Variants in SLC24A2 observed in about 807,000 individuals in gnomAD.
SLC24A2 encodes sodium/potassium/calcium exchanger 2.
SLC24A2 carries 36 observed loss-of-function variants against 62.0 expected under a neutral mutation model. That is an observed-to-expected ratio of 0.58 (90% CI 0.44 to 0.77). The LOEUF (loss-of-function observed/expected upper bound fraction) is 0.77, where lower values mean the gene tolerates loss of function less well. SLC24A2 is among the 30% of genes least tolerant of loss of function. The pLI, the probability that SLC24A2 is intolerant of heterozygous loss-of-function variation, is 0.00. For missense variants in SLC24A2, 846 were observed against 817.9 expected, an observed-to-expected ratio of 1.03 and a Z score of -0.42; for synonymous variants, 358 against 294.0, an observed-to-expected ratio of 1.22 and a Z score of -2.23.
chr9:20,203,624 G>C, the SLC24A2 span, among the ~76,000 whole-genome samples: 2 of 151,972 alleles, frequency 1.3e-5, no homozygotes, highest in African/African-American at 4.8e-5. Context: ...CCAAAGGGTC[G>C]CTTGGGGCCA....
chr9:19,843,294 G>A, the SLC24A2 span, among the ~76,000 whole-genome samples: 1 of 152,208 alleles, frequency 6.6e-6, no homozygotes, highest in Admixed American at 6.5e-5. Flanking sequence ...CTGAGGTCAG[G>A]AGTTCGAGAC....
intron 2 of SLC24A2, among the ~76,000 whole-genome samples, chr9:19,654,871 G>A (rs1289264386): frequency 6.6e-6 from 1 of 152,168 alleles, no homozygotes; most frequent in Admixed American, 6.6e-5. Context: ...AGTGTTCACT[G>A]TGGAGACAAA....
At chr9:19,542,066 G>T (rs377126625) in intron 8 of SLC24A2, among the ~76,000 whole-genome samples, 1 of 152,100 alleles carries the variant, frequency 6.6e-6, no homozygotes, top group African/African-American at 2.4e-5. Flanking sequence ...GCTTCGGCTC[G>T]CGCACGGTGC....
chr9:19,851,432 C>T, the SLC24A2 span, among the ~76,000 whole-genome samples: 1 of 152,082 alleles, frequency 6.6e-6, no homozygotes, highest in Non-Finnish European at 1.5e-5. Context: ...CACCTGTCAA[C>T]CCATCACCTA....
intron 2 of SLC24A2, among the ~76,000 whole-genome samples, chr9:19,718,819 C>A (rs1222813598): frequency 1.3e-5 from 2 of 152,188 alleles, no homozygotes; most frequent in East Asian, 3.9e-4. Context: ...TCCTCTTCAA[C>A]TTCTGGAACT....
chr9:19,959,014 G>T, the SLC24A2 span, among the ~76,000 whole-genome samples: 1 of 152,106 alleles, frequency 6.6e-6, no homozygotes, highest in Non-Finnish European at 1.5e-5. Flanking sequence ...AAAAAGCAAA[G>T]CTATAGCAAC....
the SLC24A2 span, among the ~76,000 whole-genome samples, chr9:20,150,489 C>A: frequency 6.6e-6 from 1 of 151,896 alleles, no homozygotes; most frequent in Non-Finnish European, 1.5e-5. Context: ...GTCTCATATT[C>A]TGCTGATGGA....
At chr9:19,694,905 C>T (rs1008690075) in intron 2 of SLC24A2, among the ~76,000 whole-genome samples, 4 of 151,908 alleles carry the variant, frequency 2.6e-5, no homozygotes, top group Non-Finnish European at 4.4e-5. Flanking sequence ...CTGTACTAGG[C>T]CCCTCATCAA....
chr9:19,659,120 A>G (rs2118224369), intron 2 of SLC24A2, among the ~76,000 whole-genome samples: 1 of 152,306 alleles, frequency 6.6e-6, no homozygotes, highest in South Asian at 2.1e-4. Flanking sequence ...CTAGTCCAAT[A>G]TGAGTCGAGT....
intron 2 of SLC24A2, among the ~76,000 whole-genome samples, chr9:19,649,517 T>G (rs1271705810): frequency 1.3e-5 from 2 of 152,192 alleles, no homozygotes; most frequent in Non-Finnish European, 2.9e-5. Context: ...TAGACCTCAA[T>G]GTGGATTTTC....
chr9:20,120,525 A>G, the SLC24A2 span, among the ~76,000 whole-genome samples: 4 of 152,110 alleles, frequency 2.6e-5, no homozygotes, highest in Middle Eastern at 3.2e-3. Flanking sequence ...CAAAGAAGGG[A>G]AAAATAGACA....
chr9:20,112,153 A>C, the SLC24A2 span, among the ~76,000 whole-genome samples: 2 of 152,166 alleles, frequency 1.3e-5, no homozygotes, highest in African/African-American at 4.8e-5. Flanking sequence ...TGATTTTTCT[A>C]TCTCTGCAAA....
Position 19,627,341 on chromosome 9 carries a change from T to G in SLC24A2, c.931-5042A>C, listed in dbSNP as rs531841761. 1.9e-4 allele frequency among the ~76,000 whole-genome samples: 29 copies of G among 152,314 alleles called. No individual in the cohort carries two copies. The South Asian group carries it at 6.0e-3, about 32-fold the overall frequency. On this transcript the variant is annotated intron_variant, in intron 2 of 10. Coordinates refer to ENST00000341998, the MANE Select transcript of SLC24A2 (RefSeq NM_020344.4). Reference sequence around the variant, plus strand: ...TATTTGAGATAGTAGAAAAATTTTTTGAGAAGAATAGATATCTTCGCCAAT... The same window carrying G: ...TATTTGAGATAGTAGAAAAATTTTTGGAGAAGAATAGATATCTTCGCCAAT...
chr9:19,749,249 A>G (rs1016930878), intron 2 of SLC24A2, among the ~76,000 whole-genome samples: 4 of 152,064 alleles, frequency 2.6e-5, no homozygotes, highest in African/African-American at 9.7e-5. Context: ...AGATAAAAGA[A>G]CAGCATACAT....
chr9:19,748,651 A>G (rs1821900236), intron 2 of SLC24A2, among the ~76,000 whole-genome samples: 1 of 150,694 alleles, frequency 6.6e-6, no homozygotes, highest in Non-Finnish European at 1.5e-5. Context: ...CTAGGCCCAG[A>G]TGTTTTTATT....
chr9:20,164,040 C>T, the SLC24A2 span, among the ~76,000 whole-genome samples: 2 of 152,080 alleles, frequency 1.3e-5, no homozygotes, highest in African/African-American at 4.8e-5. Context: ...TAGAAGAAAA[C>T]CTAGGCATTA....
the SLC24A2 span, among the ~76,000 whole-genome samples, chr9:19,982,158 G>C: frequency 6.6e-6 from 1 of 152,164 alleles, no homozygotes; most frequent in Non-Finnish European, 1.5e-5. Context: ...ATGTTTTCCA[G>C]ATATACAAGA....
At chr9:19,874,998 A>C in the SLC24A2 span, among the ~76,000 whole-genome samples, 37 of 120,762 alleles carry the variant, frequency 3.1e-4, no homozygotes, top group African/African-American at 1.6e-3. Flanking sequence ...CAGAATTACA[A>C]AAAAAAAAAA....
the SLC24A2 span, among the ~76,000 whole-genome samples, chr9:20,290,909 C>A: frequency 6.6e-6 from 1 of 152,148 alleles, no homozygotes; most frequent in African/African-American, 2.4e-5. Flanking sequence ...AGGACTGGAC[C>A]ACCTAGCATT....
Sources: allele counts gnomAD v4.1 joint callset (sites outside exome capture counted in the v4.1 genomes callset), GRCh38; gene constraint gnomAD v4.1.1; transcripts MANE v1.5; gene names NCBI Gene and HGNC (gene_info 2026-07-23, HGNC 2026-07-21).